SHQ1: variants seen among roughly 807,000 people sequenced by gnomAD.
SHQ1 encodes the protein protein SHQ1 homolog.
In SHQ1, 49 loss-of-function variants were observed where a neutral mutation model predicts 53.8. The ratio of observed to expected loss-of-function variants is 0.91; its 90% CI spans 0.72 to 1.16. The LOEUF (loss-of-function observed/expected upper bound fraction) is 1.16. Among genes scored for constraint, SHQ1 ranks in the 50% most tolerant of loss-of-function variants. The pLI is 0.00. For missense variants in SHQ1, 738 were observed against 683.1 expected (o/e 1.08, Z -0.90); for synonymous variants, 243 against 251.0 (o/e 0.97, Z 0.30).
chr3:72,792,000 G>A (rs1412872616), intron 10 of SHQ1, among the ~76,000 whole-genome samples: 2 of 152,132 alleles, frequency 1.3e-5, no homozygotes, highest in African/African-American at 2.4e-5. Flanking sequence ...TTTGATTGAC[G>A]CAATGGTAAA....
At chr3:72,846,295 GTTCT>G in intron 1 of SHQ1, 10 of 1,468,546 alleles carry the variant, frequency 6.8e-6, no homozygotes, top group Non-Finnish European at 9.0e-6. Context: ...CAAACTGTAT[GTTCT>G]TTTTTTTTTT....
In SHQ1 at chr3:72,821,761, G is replaced by C. The variant is rs17010191; in HGVS notation, c.727+2663C>G. Among the ~76,000 whole-genome samples, 226 of 152,282 alleles carry C rather than the reference G, an allele frequency of 1.5e-3. 1 individual carries two copies. The highest frequency in any genetic ancestry group is 5.2e-3 in the African/African-American group (215 of 41,558). Reference sequence around the variant, plus strand: ...AAGAGGAGAAAAGGTACAGCAGCATGCACCATAGTTCAGCAGAAAACTGTG... The same window carrying C: ...AAGAGGAGAAAAGGTACAGCAGCATCCACCATAGTTCAGCAGAAAACTGTG... On this transcript the variant is annotated intron_variant, in intron 6 of 10. Transcript: ENST00000325599.
chr3:72,841,719 G>A (rs545514862), intron 3 of SHQ1, among the ~76,000 whole-genome samples: 3 of 152,284 alleles, frequency 2.0e-5, no homozygotes, highest in Admixed American at 6.5e-5. Flanking sequence ...AGATCAAAGA[G>A]GTAAAGAGAT....
In SHQ1 at chr3:72,842,293, A is replaced by C. The variant is rs1708198723; in HGVS notation, c.318T>G (p.Leu106=). ...APRKSRTAKP[L]VEEIGASEIP... Reference sequence around the variant, plus strand: ...TAATAAACATACCTATTTCTTCCACAAGTGGTTTTGCTGTCCTGGATTTTC... The same window carrying C: ...TAATAAACATACCTATTTCTTCCACCAGTGGTTTTGCTGTCCTGGATTTTC... The change falls in exon 3 of 11, where the codon CTT becomes CTG. Residue 106 remains leucine (L), a synonymous_variant. Transcript: ENST00000325599. 1.2e-6 allele frequency: 2 copies of C among 1,613,348 alleles called. No homozygotes were observed. The highest frequency in any genetic ancestry group is 3.3e-5 in the Admixed American group (2 of 59,986).
chr3:72,803,017 C>T (rs771441853), intron 9 of SHQ1, among the ~76,000 whole-genome samples: 4 of 152,184 alleles, frequency 2.6e-5, no homozygotes, highest in Non-Finnish European at 5.9e-5. Context: ...CAAGCTAGGA[C>T]TGAAGGAGCA....
At chr3:72,811,361 G>C (rs1045227774) in intron 9 of SHQ1, among the ~76,000 whole-genome samples, 1 of 152,052 alleles carries the variant, frequency 6.6e-6, no homozygotes, top group African/African-American at 2.4e-5. Flanking sequence ...GTGTAACTGA[G>C]GCTCACACAG....
chr3:72,770,964 A>G (rs140721331), intron 10 of SHQ1, among the ~76,000 whole-genome samples: 204 of 152,308 alleles, frequency 1.3e-3, no homozygotes, highest in African/African-American at 3.9e-3. Flanking sequence ...AACAAAACAT[A>G]TAACAATCTC....
chr3:72,727,418 G>T, the SHQ1 span, among the ~76,000 whole-genome samples: 1 of 152,234 alleles, frequency 6.6e-6, no homozygotes, highest in South Asian at 2.1e-4. Flanking sequence ...AAACAGGAAG[G>T]CAAGAAGCCA....
At chr3:72,840,237 T>C (rs1316440067) in intron 4 of SHQ1, among the ~76,000 whole-genome samples, 2,834 of 112,500 alleles carry the variant, frequency 0.025, 109 homozygotes, top group African/African-American at 0.09. Flanking sequence ...AGTGAGACTC[T>C]GTCTTAAAAA....
At chr3:72,846,477 T>C in intron 1 of SHQ1, 1 of 608,674 alleles carries the variant, frequency 1.6e-6, no homozygotes, top group Non-Finnish European at 2.8e-6. Flanking sequence ...TTTGTATTTT[T>C]AGTACAGATG....
At chr3:72,740,377 G>T in the SHQ1 span, among the ~76,000 whole-genome samples, 2 of 152,196 alleles carry the variant, frequency 1.3e-5, no homozygotes, top group African/African-American at 4.8e-5. Flanking sequence ...AGACATGAAA[G>T]GTGTCCAAAT....
chr3:72,763,873 T>C (rs1299564589), intron 10 of SHQ1, among the ~76,000 whole-genome samples: 1 of 152,088 alleles, frequency 6.6e-6, no homozygotes, highest in Non-Finnish European at 1.5e-5. Flanking sequence ...AGGTCTGTGG[T>C]TTTAAGCCAC....
the SHQ1 span, among the ~76,000 whole-genome samples, chr3:72,729,992 G>A: frequency 2.0e-5 from 3 of 151,116 alleles, no homozygotes; most frequent in South Asian, 2.1e-4. Flanking sequence ...CTAATTTTTT[G>A]TATTTTTAGT....
At chr3:72,813,830 C>CTTT (rs931930903) in intron 8 of SHQ1, among the ~76,000 whole-genome samples, 24 of 108,182 alleles carry the variant, frequency 2.2e-4, no homozygotes, top group African/African-American at 3.4e-4. Context: ...TCCTCTTTTT[C>CTTT]TTTTTTTTTT....
chr3:72,827,824 G>A (rs903821625), intron 5 of SHQ1, among the ~76,000 whole-genome samples: 17 of 142,726 alleles, frequency 1.2e-4, no homozygotes, highest in African/African-American at 4.0e-4. Flanking sequence ...GCGCAATCTC[G>A]GCTCACTGCA....
intron 10 of SHQ1, among the ~76,000 whole-genome samples, chr3:72,759,974 T>C (rs1291615873): frequency 6.6e-6 from 1 of 152,192 alleles, no homozygotes; most frequent in Non-Finnish European, 1.5e-5. Context: ...AAGGGTATCA[T>C]CAGTTTCCTC....
Position 72,840,684 on chromosome 3 carries a change from G to C in SHQ1, c.486+361C>G, listed in dbSNP as rs139336057. ...TTCTATTTCATTTATATACAGAAAA[G>C]AAGAGACATCATGCCGTAAGTACAT... On this transcript the variant is annotated intron_variant, in intron 4 of 10. Transcript: ENST00000325599. Among the ~76,000 whole-genome samples the C allele has an allele frequency of 1.9e-3, 288 of 152,028 alleles. 2 individuals carry two copies. Among genetic ancestry groups the C allele is most frequent in the African/African-American group, 6.4e-3 (267 of 41,472 alleles).
At chr3:72,729,101 TGAATGAACAAATAAACCTCTGAGA>T in the SHQ1 span, among the ~76,000 whole-genome samples, 5 of 152,214 alleles carry the variant, frequency 3.3e-5, no homozygotes, top group African/African-American at 1.2e-4. Flanking sequence ...AACTGATGCG[TGAATGAACAAATAAACCTCTGAGA>T]GATTCCAATG....
chr3:72,832,887 T>C (rs1360573805), intron 4 of SHQ1, among the ~76,000 whole-genome samples: 1 of 152,206 alleles, frequency 6.6e-6, no homozygotes, highest in Non-Finnish European at 1.5e-5. Flanking sequence ...CGGTCTCTTC[T>C]TTCTTCCTAT....
Sources: gnomAD v4.1 joint callset for allele counts (sites outside exome capture counted in the v4.1 genomes callset) on GRCh38, gnomAD v4.1.1 for gene constraint, MANE v1.5 for transcripts, NCBI Gene and HGNC (gene_info 2026-07-23, HGNC 2026-07-21) for gene names.